Variants in GRK5 observed in about 807,000 individuals in gnomAD.
GRK5 encodes the protein G protein-coupled receptor kinase 5, also known as g protein-coupled receptor kinase GRK5.
In GRK5, 40 loss-of-function variants were observed where a neutral mutation model predicts 78.4. The observed-to-expected ratio is 0.51, with a 90% CI of 0.40 to 0.66. The LOEUF (loss-of-function observed/expected upper bound fraction) is 0.66. GRK5 is among the 30% of genes least tolerant of loss of function. The pLI, the probability that GRK5 is intolerant of heterozygous loss-of-function variation, is 0.00. For synonymous variants in GRK5, 289 were observed against 296.8 expected (o/e 0.97, Z 0.27); for missense variants, 598 against 759.9 (o/e 0.79, Z 2.50).
chr10:119,425,302 C>A (rs1589802950), intron 6 of GRK5, among the ~76,000 whole-genome samples: 1 of 140,748 alleles, frequency 7.1e-6, no homozygotes, highest in Non-Finnish European at 1.5e-5. Flanking sequence ...CACACAAACA[C>A]ACATTCACGC....
Position 119,361,833 on chromosome 10 carries a change from C to T in GRK5, c.149-18982C>T, listed in dbSNP as rs186359478. Among the ~76,000 whole-genome samples, 344 of 152,072 alleles carry T rather than the reference C, an allele frequency of 2.3e-3. 3 individuals are homozygous for T. The highest frequency in any genetic ancestry group is 8.0e-3 in the African/African-American group (332 of 41,470). On this transcript the variant is annotated intron_variant, in intron 2 of 15. Transcript: ENST00000392870. ...AAAATTAGCCAGGCGTAGTGGCGTGCACCTGTAATTACAGCTGCTCGGGAG... is the reference window on the plus strand; with the variant it reads ...AAAATTAGCCAGGCGTAGTGGCGTGTACCTGTAATTACAGCTGCTCGGGAG...
intron 3 of GRK5, among the ~76,000 whole-genome samples, chr10:119,391,994 T>G (rs1851895097): frequency 6.6e-6 from 1 of 152,172 alleles, no homozygotes; most frequent in Non-Finnish European, 1.5e-5. Context: ...CCAGGAGGAA[T>G]TCAGCCCAGA....
chr10:119,294,021 CAG>C (rs1258606719), intron 1 of GRK5, among the ~76,000 whole-genome samples: 4 of 152,052 alleles, frequency 2.6e-5, no homozygotes, highest in Non-Finnish European at 4.4e-5. Flanking sequence ...TGGGGAAAAA[CAG>C]AGACCCAGGA....
At chr10:119,344,306 T>G (rs1415130166) in intron 2 of GRK5, among the ~76,000 whole-genome samples, 3 of 152,246 alleles carry the variant, frequency 2.0e-5, no homozygotes, top group South Asian at 2.1e-4. Flanking sequence ...ATTAGGTATA[T>G]CTCCTAATGC....
intron 1 of GRK5, among the ~76,000 whole-genome samples, chr10:119,299,615 G>A (rs1294277048): frequency 1.3e-5 from 2 of 152,056 alleles, no homozygotes. Context: ...ATCCTGCAGG[G>A]TCCTGTTGAA....
At chr10:119,250,893 G>T (rs1019734406) in intron 1 of GRK5, among the ~76,000 whole-genome samples, 28 of 152,138 alleles carry the variant, frequency 1.8e-4, no homozygotes, top group African/African-American at 6.5e-4. Flanking sequence ...TAGATAACCC[G>T]TTGTTGGGTG....
intron 1 of GRK5, among the ~76,000 whole-genome samples, chr10:119,237,396 A>G (rs1564858661): frequency 6.6e-6 from 1 of 152,242 alleles, no homozygotes; most frequent in South Asian, 2.1e-4. Flanking sequence ...GTGATCTAAA[A>G]AGAACAAATT....
Position 119,224,738 on chromosome 10 carries a change from A to C in GRK5, c.52+16769A>C, listed in dbSNP as rs541158994. ...CTAGTCACCCACTTTTTAATTTTCG[A>C]GGTAATATGGTATCTTCTCCTGCTG... On this transcript the variant is annotated intron_variant, in intron 1 of 15. Transcript: ENST00000392870. Among the ~76,000 whole-genome samples the C allele has an allele frequency of 7.2e-5, 11 of 152,096 alleles. No homozygotes were observed. The South Asian group carries it at 2.3e-3, about 32-fold the overall frequency.
chr10:119,453,413 C>T, intron 15 of GRK5, 137 bp downstream of exon 15: 1 of 974,014 alleles, frequency 1.0e-6, no homozygotes, highest in Non-Finnish European at 1.5e-6. Context: ...GGAAGGGCAA[C>T]TGATTATGTC....
chr10:119,444,195 G>A (rs980816368), intron 12 of GRK5, among the ~76,000 whole-genome samples: 11 of 152,278 alleles, frequency 7.2e-5, no homozygotes, highest in Admixed American at 6.5e-4. Context: ...GGGGGTGGGG[G>A]CGACGATTTC....
intron 4 of GRK5, among the ~76,000 whole-genome samples, chr10:119,414,316 C>T (rs4752302): frequency 0.18 from 27,755 of 152,256 alleles, 2,731 homozygotes; most frequent in Middle Eastern, 0.26. Flanking sequence ...GGCTAATGAG[C>T]GCGGAGCTCC....
chr10:119,275,611 TCGCA>T (rs1243575561), intron 1 of GRK5, among the ~76,000 whole-genome samples: 73 of 123,910 alleles, frequency 5.9e-4, no homozygotes, highest in Non-Finnish European at 4.4e-4. Context: ...TCTCTCTCTC[TCGCA>T]CACACACACA....
At chr10:119,255,494 G>A (rs1310969271) in intron 1 of GRK5, among the ~76,000 whole-genome samples, 2 of 152,204 alleles carry the variant, frequency 1.3e-5, no homozygotes, top group Non-Finnish European at 2.9e-5. Context: ...AAAGGCTCTT[G>A]TGTGATTTTC....
chr10:119,383,858 A>G lies in GRK5; in HGVS notation c.261+2931A>G, dbSNP rs370692227. ...GCTGTGATTCCTTTTACTGGGACAT[A>G]GCAGTTGCAGGCCACAGTTTGGCAC... On this transcript the variant is annotated intron_variant, in intron 3 of 15. Coordinates refer to ENST00000392870, the MANE Select transcript of GRK5 (RefSeq NM_005308.3). 6.6e-5 allele frequency among the ~76,000 whole-genome samples: 10 copies of G among 152,276 alleles called. No individual in the cohort carries two copies. The East Asian group carries it at 1.7e-3, about 26-fold the overall frequency.
At chr10:119,391,573 T>C (rs1018623176) in intron 3 of GRK5, among the ~76,000 whole-genome samples, 8 of 151,980 alleles carry the variant, frequency 5.3e-5, no homozygotes, top group African/African-American at 1.9e-4. Flanking sequence ...TGACGCGGGA[T>C]CGTGGGAGAA....
chr10:119,249,793 G>A lies in GRK5; in HGVS notation c.52+41824G>A, dbSNP rs139036236. 4.0e-3 allele frequency among the ~76,000 whole-genome samples: 607 copies of A among 152,338 alleles called. 6 individuals are homozygous for A. In the South Asian group the frequency reaches 0.041, roughly 10 times the overall value. ...TGGGATTATAGGCGTGAGCCACTGCGTCCAGCTGACTTTGAACTTTTTAAA... is the reference window on the plus strand; with the variant it reads ...TGGGATTATAGGCGTGAGCCACTGCATCCAGCTGACTTTGAACTTTTTAAA... On this transcript the variant is annotated intron_variant, in intron 1 of 15. Coordinates refer to ENST00000392870, the MANE Select transcript of GRK5 (RefSeq NM_005308.3).
At chr10:119,400,135 G>A (rs1852125068) in intron 4 of GRK5, among the ~76,000 whole-genome samples, 1 of 152,238 alleles carries the variant, frequency 6.6e-6, no homozygotes, top group Admixed American at 6.5e-5. Flanking sequence ...CTGTTCCATT[G>A]TTGTGATTCT....
At chr10:119,289,815 C>A (rs560893842) in intron 1 of GRK5, among the ~76,000 whole-genome samples, 2 of 152,164 alleles carry the variant, frequency 1.3e-5, no homozygotes, top group African/African-American at 4.8e-5. Context: ...TAACCATGTT[C>A]TTTGTTCAGC....
chr10:119,423,187 G>A lies in GRK5; in HGVS notation c.361G>A (p.Val121Ile). 1 of 1,613,928 alleles carries A rather than the reference G, an allele frequency of 6.2e-7. No homozygotes were observed. ...TPKSPVFIAQ[V>I]GQDLVSQTEE... is the part of the protein sequence containing the mutation. ...CCAGTCCCCTGTTTTCATAGCCCAA[G>A]TTGGCCAAGACCTGGTCTCCCAGAC... The change falls in exon 5 of 16, where the codon GTT becomes ATT. Residue 121 changes from valine to isoleucine, a missense_variant. Coordinates refer to ENST00000392870, the MANE Select transcript of GRK5 (RefSeq NM_005308.3).
Sources: allele counts gnomAD v4.1 joint callset (sites outside exome capture counted in the v4.1 genomes callset), GRCh38; gene constraint gnomAD v4.1.1; transcripts MANE v1.5; gene names NCBI Gene and HGNC (gene_info 2026-07-23, HGNC 2026-07-21).